PAG1: variants seen among roughly 807,000 people sequenced by gnomAD.
PAG1 encodes the protein phosphoprotein membrane anchor with glycosphingolipid microdomains 1.
A neutral mutation model predicts 31.7 loss-of-function variants in PAG1; 23 were observed. The ratio of observed to expected loss-of-function variants is 0.73; its 90% confidence interval spans 0.52 to 1.03. PAG1 has a LOEUF of 1.03. PAG1 is among the 50% of genes least tolerant of loss of function. PAG1 has a pLI of 0.00. For missense variants in PAG1, 473 were observed against 540.7 expected (o/e 0.87, Z 1.24); for synonymous variants, 214 against 210.3 (o/e 1.02, Z -0.15).
At chr8:80,981,862 C>CCTTTTTTTTTT (rs1554598378) in intron 7 of PAG1, among the ~76,000 whole-genome samples, 3 of 103,426 alleles carry the variant, frequency 2.9e-5, no homozygotes, top group African/African-American at 1.0e-4. Context: ...ATCTCACTTC[C>CCTTTTTTTTTT]TTTTTTTTTT....
chr8:81,043,350 C>T (rs1482905821), intron 2 of PAG1, among the ~76,000 whole-genome samples: 1 of 152,224 alleles, frequency 6.6e-6, no homozygotes, highest in Admixed American at 6.5e-5. Context: ...CCTAATCCCA[C>T]AGGTAAGCAC....
intron 1 of PAG1, among the ~76,000 whole-genome samples, chr8:81,078,567 C>T (rs563008032): frequency 6.6e-6 from 1 of 152,158 alleles, no homozygotes; most frequent in Non-Finnish European, 1.5e-5. Context: ...ACAAGGGTCT[C>T]AAATGCAGGC....
intron 1 of PAG1, among the ~76,000 whole-genome samples, chr8:81,075,086 T>C (rs951855484): frequency 6.6e-6 from 1 of 152,324 alleles, no homozygotes; most frequent in East Asian, 1.9e-4. Flanking sequence ...CTATCTCCAC[T>C]CTCGTTTGCC....
chr8:81,047,156 T>C (rs1216062709), intron 2 of PAG1, among the ~76,000 whole-genome samples: 4 of 152,220 alleles, frequency 2.6e-5, no homozygotes, highest in Admixed American at 6.5e-5. Context: ...AATGAACATA[T>C]GTGTGCATGT....
intron 3 of PAG1, among the ~76,000 whole-genome samples, chr8:81,011,212 G>T (rs1807977510): frequency 6.6e-6 from 1 of 152,160 alleles, no homozygotes; most frequent in African/African-American, 2.4e-5. Flanking sequence ...CACTGATATG[G>T]TTTGGCTGTG....
At chr8:81,059,105 T>G (rs1170934065) in intron 2 of PAG1, among the ~76,000 whole-genome samples, 1 of 152,086 alleles carries the variant, frequency 6.6e-6, no homozygotes, top group Non-Finnish European at 1.5e-5. Context: ...TATATAGGCA[T>G]AGTATTTGCA....
intron 1 of PAG1, among the ~76,000 whole-genome samples, chr8:81,103,276 T>C (rs1320411316): frequency 6.6e-6 from 1 of 152,204 alleles, no homozygotes; most frequent in Non-Finnish European, 1.5e-5. Flanking sequence ...GTTGGTGCTT[T>C]GAGCAGACTA....
intron 1 of PAG1, among the ~76,000 whole-genome samples, chr8:81,093,037 T>TA (rs1364231675): frequency 1.3e-5 from 2 of 152,224 alleles, no homozygotes; most frequent in Non-Finnish European, 2.9e-5. Flanking sequence ...TTACTGCACT[T>TA]AAAAATACTT....
chr8:81,042,639 T>C (rs986119208), intron 2 of PAG1, among the ~76,000 whole-genome samples: 6 of 151,540 alleles, frequency 4.0e-5, no homozygotes, highest in African/African-American at 1.5e-4. Context: ...TATGTGTGTG[T>C]AAAAGAGAAA....
Position 80,985,258 on chromosome 8 carries a change from C to A in PAG1, c.394G>T (p.Glu132Ter). 6.2e-7 allele frequency: 1 copy of A among 1,614,150 alleles called. No homozygotes were observed. The highest frequency in any genetic ancestry group is 8.5e-7 in the Non-Finnish European group (1 of 1,180,020). ...TGKPKCHQSR[E>*]LPRIPPESAV... ...CTCTCGGGAGGGATTCTGGGCAGCT[C>A]CCGACTCTGATGACATTTTGGTTTC... The change falls in exon 7 of 9, where the codon GAG becomes TAG. Residue 132 changes from glutamate to a stop codon, truncating the protein, a stop_gained. Coordinates refer to ENST00000220597, the MANE Select transcript of PAG1 (RefSeq NM_018440.4). LOFTEE classifies it high-confidence loss of function.
Position 80,980,474 on chromosome 8 carries a change from G to A in PAG1, c.897C>T (p.Tyr299=), listed in dbSNP as rs755323004. The change falls in exon 8 of 9, where the codon TAC becomes TAT. Residue 299 remains tyrosine, a synonymous_variant. Coordinates refer to ENST00000220597, the MANE Select transcript of PAG1 (RefSeq NM_018440.4). ...GAGTGGGGTCTTCTTCCCGAGACTT[G>A]TATGACAATGAGCTAAATCTCTGTC... ...ETNKRFSSLS[Y]KSREEDPTLT... 6.2e-7 allele frequency: 1 copy of A among 1,605,720 alleles called. No individual in the cohort carries two copies. Among genetic ancestry groups the A allele is most frequent in the Non-Finnish European group, 8.5e-7 (1 of 1,172,560 alleles).
At chr8:80,980,674 G>T (rs6984368) in intron 7 of PAG1, among the ~76,000 whole-genome samples, 180 bp from the exon 8 acceptor site, 34,615 of 152,056 alleles carry the variant, frequency 0.23, 6,137 homozygotes, top group African/African-American at 0.49. Flanking sequence ...GATGTTCGGG[G>T]ATATCTAGTA....
intron 1 of PAG1, among the ~76,000 whole-genome samples, chr8:81,098,861 T>C (rs1809567187): frequency 1.3e-5 from 2 of 152,044 alleles, no homozygotes; most frequent in Admixed American, 1.3e-4. Flanking sequence ...GCAGAGAGGA[T>C]TGGAGGGTGG....
At position 80,985,198 on chromosome 8, in the gene PAG1, C is replaced by A; in HGVS notation, c.454G>T (p.Asp152Tyr). ...VDTMLTARSV[D>Y]GDQGLGMEGP... ...TCCATCCCCAGCCCCTGGTCCCCGT[C>A]CACACTTCTCGCCGTGAGCATGGTA... is the stretch of plus-strand genomic sequence containing the variant. Residue 152 changes from aspartate to tyrosine, a missense_variant, in exon 7 of 9, where the codon GAC becomes TAC. By Grantham distance (160) the Asp-to-Tyr change is radical. Transcript: ENST00000220597. The A allele has an allele frequency of 6.2e-7, 1 of 1,614,156 alleles. No homozygotes were observed. The highest frequency in any genetic ancestry group is 1.3e-5 in the African/African-American group (1 of 75,022).
intron 8 of PAG1, among the ~76,000 whole-genome samples, chr8:80,978,956 T>G (rs564458512): frequency 7.2e-5 from 11 of 152,348 alleles, no homozygotes; most frequent in African/African-American, 2.6e-4. Context: ...TTTCTCTTCT[T>G]TTTCTAATCA....
intron 2 of PAG1, among the ~76,000 whole-genome samples, chr8:81,043,505 T>C (rs1449204600): frequency 6.6e-6 from 1 of 151,194 alleles, no homozygotes; most frequent in African/African-American, 2.4e-5. Context: ...TGTTAGAGAA[T>C]GTTCCATGTC....
chr8:81,079,779 AT>A (rs1563422901), intron 1 of PAG1, among the ~76,000 whole-genome samples: 3 of 149,922 alleles, frequency 2.0e-5, no homozygotes, highest in African/African-American at 7.6e-5. Context: ...TTATTTATTT[AT>A]TTTTTTGAGA....
intron 3 of PAG1, among the ~76,000 whole-genome samples, chr8:81,021,866 A>T (rs1396383143): frequency 6.6e-6 from 1 of 152,204 alleles, no homozygotes; most frequent in African/African-American, 2.4e-5. Context: ...AATAAAAGTC[A>T]GTTCACATAG....
At chr8:81,016,755 C>T (rs1808079071) in intron 3 of PAG1, among the ~76,000 whole-genome samples, 2 of 152,124 alleles carry the variant, frequency 1.3e-5, no homozygotes, top group South Asian at 2.1e-4. Flanking sequence ...AATCTCTTTC[C>T]CCACTCCTTG....
Sources: allele counts gnomAD v4.1 joint callset (sites outside exome capture counted in the v4.1 genomes callset), GRCh38; gene constraint gnomAD v4.1.1; transcripts MANE v1.5; gene names NCBI Gene and HGNC (gene_info 2026-07-23, HGNC 2026-07-21).